HIPK3: variants seen among roughly 807,000 people sequenced by gnomAD.
HIPK3 encodes the protein homeodomain interacting protein kinase 3, also known as homeodomain-interacting protein kinase 3.
Under a neutral mutation model 124.2 loss-of-function variants are expected in HIPK3, and 47 were observed. The observed-to-expected ratio is 0.38, with a 90% CI of 0.30 to 0.48. The LOEUF (loss-of-function observed/expected upper bound fraction) is 0.48, where lower values mean the gene tolerates loss of function less well. HIPK3 is among the 20% of genes least tolerant of loss of function. HIPK3 has a pLI of 0.98. For missense variants in HIPK3, 1,286 were observed against 1,454.3 expected (o/e 0.88, Z 1.88); for synonymous variants, 482 against 515.2 (o/e 0.94, Z 0.87).
At chr11:33,275,183 T>G (rs7942407) in intron 1 of HIPK3, among the ~76,000 whole-genome samples, 101,100 of 151,764 alleles carry the variant, frequency 0.67, 33,950 homozygotes, top group Non-Finnish European at 0.72. Context: ...GGGATTGCAG[T>G]TGCGTGCCAC....
At chr11:33,280,823 A>C (rs1412008450) in intron 1 of HIPK3, among the ~76,000 whole-genome samples, 1 of 152,176 alleles carries the variant, frequency 6.6e-6, no homozygotes, top group Non-Finnish European at 1.5e-5. Flanking sequence ...AGTGGTGTGC[A>C]TTGATCTGAT....
rs1853546158 is a variant in HIPK3, at chr11:33,347,908, C to A, written c.2201C>A (p.Thr734Asn). ...TCAGTGATGCCGCAGCCTCTTCTGA[C>A]CAATCAGATAACTTTATCTGCCCCT... ...YNSVMPQPLL[T>N]NQITLSAPQP... Residue 734 changes from threonine (T) to asparagine (N), a missense_variant, in exon 11 of 17, where the codon ACC becomes AAC. Thr to Asn is a moderately conservative substitution (Grantham distance 65, BLOSUM62 0). Around this residue, in one of 3 missense-constraint regions of HIPK3, gnomAD observed 810 missense variants for 864.9 expected, o/e 0.94. Transcript: ENST00000303296. The A allele has an allele frequency of 6.2e-7, 1 of 1,614,194 alleles. No homozygotes were observed. The highest frequency in any genetic ancestry group is 1.3e-5 in the African/African-American group (1 of 75,068).
rs756818113 is a variant in HIPK3, at chr11:33,338,893, T to C, written c.1428+50T>C. 26 of 1,323,186 alleles carry C rather than the reference T, an allele frequency of 2.0e-5. No individual in the cohort carries two copies. The South Asian group carries it at 2.2e-4, about 11-fold the overall frequency. The allele number at this position is 1,323,186 out of a possible 1,614,324, so 82.0% of individuals were successfully genotyped here. ...CATCTTACATGCTTAGATGGTAGAC[T>C]TGAATGCCAAGGGGCCCAAAACATG... is the stretch of plus-strand genomic sequence containing the variant. On this transcript the variant is annotated intron_variant, in intron 5 of 16. Coordinates refer to ENST00000303296, the MANE Select transcript of HIPK3 (RefSeq NM_005734.5).
At chr11:33,288,458 A>AAAAAC (rs1224609796) in intron 2 of HIPK3, among the ~76,000 whole-genome samples, 3 of 152,194 alleles carry the variant, frequency 2.0e-5, no homozygotes, top group Admixed American at 1.3e-4. Context: ...TCTGTCTCAA[A>AAAAAC]AAAACAAAAC....
In HIPK3 at chr11:33,286,418, G is replaced by A. The variant is rs144688161; in HGVS notation, c.4G>A (p.Ala2Thr). Residue 2 changes from alanine (A) to threonine (T), a missense_variant, in exon 2 of 17, where the codon GCC becomes ACC. Physicochemically the swap from Ala to Thr is moderately conservative, Grantham distance 58. This residue lies in a region of HIPK3 where 225 missense variants were observed against 240.3 expected (regional missense o/e 0.94). Transcript: ENST00000303296. ...TTTTTTTTTTTTTTTTGCAGGTATG[G>A]CCTCACAAGTCTTGGTCTACCCACC... The part of the protein sequence containing the change: M[A>T]SQVLVYPPYV... 4.9e-6 allele frequency: 7 copies of A among 1,425,328 alleles called. No homozygotes were observed. The highest frequency in any genetic ancestry group is 5.5e-6 in the Non-Finnish European group (6 of 1,082,534). 88.3% of individuals were successfully genotyped at this position (1,425,328 alleles called of 1,614,324 possible).
chr11:33,308,523 T>C (rs1224571176), intron 2 of HIPK3, among the ~76,000 whole-genome samples: 1 of 152,158 alleles, frequency 6.6e-6, no homozygotes, highest in Non-Finnish European at 1.5e-5. Context: ...GCTACTTTGA[T>C]AGCAATATGT....
rs117071128 is a variant in HIPK3, at chr11:33,315,563, G to T, written c.1098-12947G>T. Among the ~76,000 whole-genome samples the T allele has an allele frequency of 9.1e-3, 1,392 of 152,206 alleles. 15 individuals carry two copies. The highest frequency in any genetic ancestry group is 0.013 in the Non-Finnish European group (911 of 68,004). On this transcript the variant is annotated intron_variant, in intron 2 of 16. Coordinates refer to ENST00000303296, the MANE Select transcript of HIPK3 (RefSeq NM_005734.5). ...TTATTTGTAGAGACAAGGTCTTGCT[G>T]TGTTGCCCAGCCTTGTCTCGAACTT...
At chr11:33,261,589 A>T (rs1046592416) in intron 1 of HIPK3, among the ~76,000 whole-genome samples, 3 of 152,164 alleles carry the variant, frequency 2.0e-5, no homozygotes, top group African/African-American at 7.2e-5. Context: ...GTACATATGT[A>T]GCATATTTTT....
rs186431530 is a variant in HIPK3 at position 33,352,867 on chromosome 11, T to C, written c.3172-225T>C. On this transcript the variant is annotated intron_variant, in intron 16 of 16. Coordinates refer to ENST00000303296, the MANE Select transcript of HIPK3 (RefSeq NM_005734.5). ...GTAGTACTAGCAGCAGTAATAGCAG[T>C]GTTTATATTATAATAATATGTAGTA... Among the ~76,000 whole-genome samples the C allele has an allele frequency of 1.1e-3, 169 of 152,194 alleles. 2 individuals carry two copies. The highest frequency in any genetic ancestry group is 2.5e-3 in the South Asian group (12 of 4,818).
intron 2 of HIPK3, among the ~76,000 whole-genome samples, chr11:33,299,194 C>T (rs879586574): frequency 3.3e-5 from 5 of 151,286 alleles, no homozygotes; most frequent in African/African-American, 4.9e-5. Context: ...GTTTCTTGGG[C>T]CGGGCGCGGT....
At chr11:33,307,221 G>A (rs1019390836) in intron 2 of HIPK3, among the ~76,000 whole-genome samples, 1 of 151,984 alleles carries the variant, frequency 6.6e-6, no homozygotes, top group African/African-American at 2.4e-5. Flanking sequence ...TTACAGGTGT[G>A]AGCCACCATG....
At chr11:33,312,001 GAA>G (rs926505283) in intron 2 of HIPK3, among the ~76,000 whole-genome samples, 1 of 72,462 alleles carries the variant, frequency 1.4e-5, no homozygotes, top group Non-Finnish European at 3.2e-5. Context: ...CACACACCAC[GAA>G]AAAATACAGC....
chr11:33,348,010 A>G lies in HIPK3; in HGVS notation c.2303A>G (p.Asn768Ser). ...ACCAAGAAAAATAAACAGTGCCAGAACAGGTTGGTATTGGTGCTTTAGCTT... is the reference window on the plus strand; with the variant it reads ...ACCAAGAAAAATAAACAGTGCCAGAGCAGGTTGGTATTGGTGCTTTAGCTT... ...ATTKKNKQCQ[N>S]RGILVKLMEW... Residue 768 changes from asparagine (N) to serine (S), a missense_variant, in exon 11 of 17, where the codon AAC (asparagine) becomes AGC (serine). Physicochemically the swap from Asn to Ser is conservative, Grantham distance 46 (BLOSUM62 1). Coordinates refer to ENST00000303296, the MANE Select transcript of HIPK3 (RefSeq NM_005734.5). The G allele has an allele frequency of 6.2e-7, 1 of 1,614,176 alleles. No individual in the cohort carries two copies. The highest frequency in any genetic ancestry group is 8.5e-7 in the Non-Finnish European group (1 of 1,180,012).
At chr11:33,342,655 A>C (rs1307588475) in intron 8 of HIPK3, among the ~76,000 whole-genome samples, 11 of 151,784 alleles carry the variant, frequency 7.2e-5, no homozygotes, top group Non-Finnish European at 1.3e-4. Flanking sequence ...GGTTCAAGCA[A>C]TTCTGCCTTA....
upstream of HIPK3, among the ~76,000 whole-genome samples, chr11:33,257,045 G>C (rs1850682086): frequency 6.6e-6 from 1 of 152,208 alleles, no homozygotes; most frequent in Non-Finnish European, 1.5e-5. Flanking sequence ...TTCGGGTATT[G>C]GGATCTTTTT....
At chr11:33,261,877 A>T (rs187834256) in intron 1 of HIPK3, among the ~76,000 whole-genome samples, 2 of 152,224 alleles carry the variant, frequency 1.3e-5, no homozygotes, top group East Asian at 3.9e-4. Context: ...CCTCATCAGC[A>T]TCTGTTATTT....
Position 33,353,389 on chromosome 11 carries a change from C to G in HIPK3, c.3469C>G (p.Pro1157Ala). 1 of 1,614,160 alleles carries G rather than the reference C, an allele frequency of 6.2e-7. No individual in the cohort carries two copies. Among genetic ancestry groups the G allele is most frequent in the Non-Finnish European group, 8.5e-7 (1 of 1,180,016 alleles). The change falls in exon 17 of 17, where the codon CCC becomes GCC. Residue 1157 changes from proline to alanine, a missense_variant. Pro to Ala is a conservative substitution (Grantham distance 27, BLOSUM62 -1). Coordinates refer to ENST00000303296, the MANE Select transcript of HIPK3 (RefSeq NM_005734.5). ...LQHPTYNISHPSGIVHQVPVG... is the reference protein window; with the variant it reads ...LQHPTYNISHASGIVHQVPVG... ...GCATCCAACTTATAATATCTCCCAT[C>G]CCAGTGGCATAGTTCACCAAGTCCC... is the stretch of plus-strand genomic sequence containing the variant.
intron 2 of HIPK3, among the ~76,000 whole-genome samples, chr11:33,312,246 T>C (rs1255654556): frequency 6.6e-6 from 1 of 152,176 alleles, no homozygotes; most frequent in Non-Finnish European, 1.5e-5. Flanking sequence ...TATAATTCAG[T>C]ATATTTGAAG....
intron 1 of HIPK3, among the ~76,000 whole-genome samples, chr11:33,276,088 A>C (rs1197257035): frequency 2.6e-5 from 4 of 152,230 alleles, no homozygotes; most frequent in African/African-American, 4.8e-5. Flanking sequence ...GAATAATACA[A>C]AGAATTCCTG....
Sources: allele counts gnomAD v4.1 joint callset (sites outside exome capture counted in the v4.1 genomes callset), GRCh38; gene constraint gnomAD v4.1.1; regional missense constraint gnomAD v4.1.1; transcripts MANE v1.5; gene names NCBI Gene and HGNC (gene_info 2026-07-23, HGNC 2026-07-21).